SUMF1: variants seen among roughly 807,000 people sequenced by gnomAD.
SUMF1 encodes the protein formylglycine-generating enzyme.
SUMF1 carries 48 observed loss-of-function variants against 47.6 expected under a neutral mutation model. The ratio of observed to expected loss-of-function variants is 1.01; its 90% CI spans 0.80 to 1.28. The LOEUF (loss-of-function observed/expected upper bound fraction) is 1.28, where lower values mean the gene tolerates loss of function less well. SUMF1 is among the 50% of genes most tolerant of loss of function. The pLI, the probability that SUMF1 is intolerant of heterozygous loss-of-function variation, is 0.00. For synonymous variants in SUMF1, 230 were observed against 192.1 expected (o/e 1.20, Z -1.63); for missense variants, 571 against 485.4 (o/e 1.18, Z -1.66).
intron 8 of SUMF1, among the ~76,000 whole-genome samples, chr3:4,368,301 C>T (rs1260330422): frequency 1.3e-5 from 2 of 152,182 alleles, no homozygotes; most frequent in Non-Finnish European, 2.9e-5. Context: ...CATCTCACAC[C>T]AGTTAGAATG....
chr3:4,440,165 G>T (rs921088756), intron 3 of SUMF1, among the ~76,000 whole-genome samples: 1 of 150,550 alleles, frequency 6.6e-6, no homozygotes, highest in African/African-American at 2.4e-5. Flanking sequence ...GAACCCAGGA[G>T]GCAGAGGTTG....
chr3:4,246,752 A>G (rs1256596255), intron 8 of SUMF1, among the ~76,000 whole-genome samples: 1 of 152,146 alleles, frequency 6.6e-6, no homozygotes, highest in Non-Finnish European at 1.5e-5. Context: ...CTAACCACCA[A>G]GAGAAGTGGT....
chr3:4,295,696 G>C (rs1230867373), intron 8 of SUMF1, among the ~76,000 whole-genome samples: 1 of 152,030 alleles, frequency 6.6e-6, no homozygotes, highest in Admixed American at 6.6e-5. Flanking sequence ...GATATTGCAG[G>C]TTATATAAAT....
At chr3:4,167,024 A>G (rs1194601907) in intron 8 of SUMF1, among the ~76,000 whole-genome samples, 5 of 152,034 alleles carry the variant, frequency 3.3e-5, no homozygotes, top group African/African-American at 9.7e-5. Flanking sequence ...AACAGCAAGC[A>G]AAAGGGTTCT....
intron 8 of SUMF1, among the ~76,000 whole-genome samples, chr3:4,319,398 A>T (rs1472964315): frequency 5.9e-5 from 9 of 152,206 alleles, no homozygotes; most frequent in Non-Finnish European, 1.0e-4. Context: ...TCCCTGACCA[A>T]CTACAACTGG....
intron 8 of SUMF1, chr3:4,068,875 CAACGAAA>C: frequency 4.5e-6 from 1 of 222,848 alleles, no homozygotes; most frequent in South Asian, 5.5e-5. Context: ...TAACAAACTA[CAACGAAA>C]AATGGACACT....
chr3:4,132,741 G>A (rs1326035280), intron 8 of SUMF1, among the ~76,000 whole-genome samples: 1 of 152,082 alleles, frequency 6.6e-6, no homozygotes, highest in Non-Finnish European at 1.5e-5. Flanking sequence ...AAGTCAACAG[G>A]CTAAGAAGGG....
chr3:4,166,911 G>A (rs1694720045), intron 8 of SUMF1, among the ~76,000 whole-genome samples: 1 of 152,092 alleles, frequency 6.6e-6, no homozygotes, highest in Non-Finnish European at 1.5e-5. Context: ...TTCCCAGAAA[G>A]GCTGACACCC....
intron 8 of SUMF1, among the ~76,000 whole-genome samples, chr3:4,198,007 T>C (rs1695464764): frequency 1.4e-5 from 2 of 144,650 alleles, no homozygotes; most frequent in Non-Finnish European, 3.0e-5. Context: ...TTTAAGTTGA[T>C]GGGTTTTTGT....
intron 8 of SUMF1, among the ~76,000 whole-genome samples, chr3:4,220,460 T>A (rs1260993626): frequency 1.3e-5 from 2 of 152,124 alleles, no homozygotes; most frequent in Non-Finnish European, 2.9e-5. Flanking sequence ...GCTTTCCAGG[T>A]CATTCTGTGA....
At chr3:4,230,722 T>C (rs1696280517) in intron 8 of SUMF1, among the ~76,000 whole-genome samples, 1 of 152,018 alleles carries the variant, frequency 6.6e-6, no homozygotes. Flanking sequence ...AAATTCCCAA[T>C]CCTCTAATCG....
rs185069378 is a variant in SUMF1 at position 4,071,620 on chromosome 3, G to A, written c.1015-2875C>T. 3.3e-3 allele frequency among the ~76,000 whole-genome samples: 501 copies of A among 152,320 alleles called. 2 individuals carry two copies. Among genetic ancestry groups the A allele is most frequent in the Non-Finnish European group, 5.7e-3 (388 of 68,024 alleles). ...CTGGGATGCTGGAGCTTAGTGGGGG[G>A]AGGGGCATCCGCCATTGCTGAGGCT... On this transcript the variant is annotated intron_variant and NMD_transcript_variant, in intron 8 of 12. Coordinates refer to the SUMF1 transcript ENST00000448413.
At chr3:4,053,159 T>C (rs1477900720) in intron 9 of SUMF1, among the ~76,000 whole-genome samples, 4 of 152,138 alleles carry the variant, frequency 2.6e-5, no homozygotes, top group Non-Finnish European at 5.9e-5. Context: ...TGGGCCTAAT[T>C]TCAATATTGT....
At chr3:4,422,772 T>A (rs1398562527) in intron 3 of SUMF1, among the ~76,000 whole-genome samples, 6 of 152,030 alleles carry the variant, frequency 3.9e-5, no homozygotes, top group Non-Finnish European at 8.8e-5. Context: ...TCTTCCTTTT[T>A]TTTTTTAAAA....
intron 8 of SUMF1, among the ~76,000 whole-genome samples, chr3:4,076,825 C>G (rs1051689813): frequency 2.6e-5 from 4 of 151,976 alleles, no homozygotes; most frequent in Non-Finnish European, 1.5e-5. Context: ...TGGTGAAACC[C>G]CATCTCTGCT....
chr3:4,060,407 G>A lies in SUMF1; in HGVS notation c.1191+8162C>T, dbSNP rs143955089. On this transcript the variant is annotated intron_variant and NMD_transcript_variant, in intron 9 of 12. Transcript: ENST00000448413. ...ACAATTTATATAATCTCTCTGCCTC[G>A]GTTTTCTCACTGTAAAACGAGAATG... Among the ~76,000 whole-genome samples the A allele has an allele frequency of 5.3e-4, 81 of 152,112 alleles. 1 individual carries two copies. In the East Asian group the frequency reaches 7.9e-3, roughly 15 times the overall value.
chr3:4,307,724 T>C (rs925223973), intron 8 of SUMF1, among the ~76,000 whole-genome samples: 3 of 152,156 alleles, frequency 2.0e-5, no homozygotes. Flanking sequence ...AAAACTTACA[T>C]TGTAACAATG....
intron 7 of SUMF1, among the ~76,000 whole-genome samples, chr3:4,378,147 C>A (rs1175915384): frequency 6.6e-6 from 1 of 152,172 alleles, no homozygotes; most frequent in African/African-American, 2.4e-5. Context: ...ATACTCCTAA[C>A]CTACCCAACA....
In SUMF1 at chr3:4,420,051, G is replaced by A. The variant is rs80204284; in HGVS notation, c.602+13C>T. On this transcript the variant is annotated intron_variant, in intron 4 of 8. Coordinates refer to ENST00000272902, the MANE Select transcript of SUMF1 (RefSeq NM_182760.4). Reference sequence around the variant, plus strand: ...TGGAACTTGTCAACTGGGGAAAGAGGGACCAGCCTCACCTGTGCAGAATAG... The same window carrying A: ...TGGAACTTGTCAACTGGGGAAAGAGAGACCAGCCTCACCTGTGCAGAATAG... The A allele has an allele frequency of 9.0e-3, 14,537 of 1,612,930 alleles. 306 individuals carry two copies. Among genetic ancestry groups the A allele is most frequent in the East Asian group, 0.057 (2,557 of 44,844 alleles).
Sources: allele counts gnomAD v4.1 joint callset (sites outside exome capture counted in the v4.1 genomes callset), GRCh38; gene constraint gnomAD v4.1.1; transcripts MANE v1.5; gene names NCBI Gene and HGNC (gene_info 2026-07-23, HGNC 2026-07-21).